The following TENM1 variants were observed in gnomAD, a reference collection of about 807,000 sequenced individuals.
TENM1 encodes teneurin transmembrane protein 1.
TENM1 carries 35 observed loss-of-function variants against 174.8 expected under a neutral mutation model. That is an observed-to-expected ratio of 0.20 (90% CI 0.15 to 0.27). The LOEUF (loss-of-function observed/expected upper bound fraction) is 0.27. Among genes scored for constraint, TENM1 ranks in the 10% least tolerant of loss-of-function variants. The pLI, the probability that TENM1 is intolerant of heterozygous loss-of-function variation, is 1.00. For missense variants in TENM1, 1,633 were observed against 2,130.1 expected, an observed-to-expected ratio of 0.77 and a Z score of 4.59; for synonymous variants, 781 against 798.7, an observed-to-expected ratio of 0.98 and a Z score of 0.37.
At chrX:124,483,414 C>T (rs2046887341) in intron 21 of TENM1, among the ~76,000 whole-genome samples, 2 of 112,202 alleles carry the variant, frequency 1.8e-5, no homozygotes, top group African/African-American at 6.5e-5. Context: ...CTGATATGTT[C>T]ATTGCCCATA....
intron 3 of TENM1, among the ~76,000 whole-genome samples, chrX:124,821,690 T>C (rs5956696): frequency 0.048 from 5,335 of 112,052 alleles, 192 homozygotes; most frequent in African/African-American, 0.12. Context: ...GCACTGGTTC[T>C]GTAATTCACA....
intron 1 of TENM1, among the ~76,000 whole-genome samples, chrX:124,922,051 T>C (rs1569481949): frequency 9.0e-6 from 1 of 111,329 alleles, no homozygotes; most frequent in East Asian, 2.8e-4. Flanking sequence ...TCCGATTCAT[T>C]TATTATTTAG....
chrX:124,886,905 A>T (rs1359361701), intron 3 of TENM1, among the ~76,000 whole-genome samples: 1 of 109,729 alleles, frequency 9.1e-6, no homozygotes, highest in Non-Finnish European at 1.9e-5. Context: ...AAATAGAACA[A>T]ATAATAGCAA....
intron 3 of TENM1, among the ~76,000 whole-genome samples, chrX:124,817,107 C>A (rs1014785302): frequency 5.4e-5 from 6 of 110,644 alleles, no homozygotes; most frequent in Non-Finnish European, 1.1e-4. Context: ...TCTCATTGTT[C>A]AACTCCCACT....
chrX:125,139,823 AAC>A, the TENM1 span, among the ~76,000 whole-genome samples: 1,920 of 78,291 alleles, frequency 0.025, 41 homozygotes, highest in African/African-American at 0.065. Flanking sequence ...AGCTGCCCTC[AAC>A]ACACACACAC....
chrX:125,178,053 A>G, the TENM1 span, among the ~76,000 whole-genome samples: 1 of 111,577 alleles, frequency 9.0e-6, no homozygotes, highest in Admixed American at 9.6e-5. Context: ...ATGGAAGTGT[A>G]TGGGTGGCTG....
intron 18 of TENM1, among the ~76,000 whole-genome samples, chrX:124,518,759 C>T (rs1271196681): frequency 2.7e-5 from 3 of 111,336 alleles, no homozygotes; most frequent in Non-Finnish European, 5.6e-5. Context: ...TCACACAGCT[C>T]GTAAGTAGAG....
the TENM1 span, among the ~76,000 whole-genome samples, chrX:125,098,410 G>A: frequency 8.9e-6 from 1 of 112,121 alleles, no homozygotes; most frequent in Non-Finnish European, 1.9e-5. Flanking sequence ...AAGCTTCAAT[G>A]CTGAAATTTA....
At chrX:125,177,225 T>C in the TENM1 span, among the ~76,000 whole-genome samples, 2 of 112,416 alleles carry the variant, frequency 1.8e-5, no homozygotes, top group African/African-American at 3.2e-5. Flanking sequence ...TGCTCAACTA[T>C]GTCACTTGAA....
chrX:124,406,944 A>C (rs1479081621), intron 25 of TENM1, among the ~76,000 whole-genome samples: 2 of 111,933 alleles, frequency 1.8e-5, no homozygotes, highest in Non-Finnish European at 3.8e-5. Context: ...TATGATGGGA[A>C]AATTATAATT....
the TENM1 span, among the ~76,000 whole-genome samples, chrX:125,048,243 A>ATTTTTTT: frequency 2.0e-4 from 13 of 64,214 alleles, no homozygotes; most frequent in Non-Finnish European, 2.8e-4. Flanking sequence ...GTTTCGAAGC[A>ATTTTTTT]TTTTTTTTTT....
intron 3 of TENM1, among the ~76,000 whole-genome samples, chrX:124,799,327 A>C (rs928308454): frequency 8.1e-5 from 9 of 111,672 alleles, no homozygotes. Flanking sequence ...ATCCATGAGC[A>C]TGGAATATTT....
At chrX:125,125,054 G>T in the TENM1 span, among the ~76,000 whole-genome samples, 2 of 112,160 alleles carry the variant, frequency 1.8e-5, no homozygotes, top group African/African-American at 6.5e-5. Flanking sequence ...CTGCATCATT[G>T]GATCATGTTA....
In TENM1 at chrX:124,790,141, G is replaced by T. The variant is rs138037644; in HGVS notation, c.536-52944C>A. On this transcript the variant is annotated intron_variant, in intron 3 of 31. Transcript: ENST00000422452. ...AACCATCAGATCTCATGAGACCCAT[G>T]CACTATCATGAGAACAGCACAGGAA... Among the ~76,000 whole-genome samples, 620 of 111,528 alleles carry T rather than the reference G, an allele frequency of 5.6e-3. 4 individuals carry two copies. Among genetic ancestry groups the T allele is most frequent in the African/African-American group, 0.019 (578 of 30,632 alleles).
chrX:124,965,272 G>A (rs1260165943), upstream of TENM1, among the ~76,000 whole-genome samples: 3 of 111,125 alleles, frequency 2.7e-5, no homozygotes, highest in African/African-American at 9.8e-5. Flanking sequence ...GTAGAGACGG[G>A]ATTTCACCAA....
exon 32 of TENM1, chrX:124,380,434 AT>A: frequency 1.3e-6 from 1 of 773,998 alleles, no homozygotes; most frequent in Non-Finnish European, 1.8e-6. Flanking sequence ...TTTCCTCCAT[AT>A]TTACATATAC....
the TENM1 span, among the ~76,000 whole-genome samples, chrX:125,188,744 T>C: frequency 8.9e-6 from 1 of 112,037 alleles, no homozygotes; most frequent in African/African-American, 3.2e-5. Context: ...TCCAATGCAC[T>C]ATATATAAAT....
At chrX:124,755,146 G>T (rs2054196103) in intron 3 of TENM1, among the ~76,000 whole-genome samples, 1 of 102,910 alleles carries the variant, frequency 9.7e-6, no homozygotes, top group African/African-American at 4.0e-5. Flanking sequence ...GGTCACTCAG[G>T]ACTTGCTTTA....
the TENM1 span, among the ~76,000 whole-genome samples, chrX:124,991,324 G>T: frequency 9.0e-6 from 1 of 111,159 alleles, no homozygotes; most frequent in Non-Finnish European, 1.9e-5. Context: ...GTAGCCAGTA[G>T]AGGGATTTTG....
Sources: gnomAD v4.1 joint callset for allele counts (sites outside exome capture counted in the v4.1 genomes callset) on GRCh38, gnomAD v4.1.1 for gene constraint, MANE v1.5 for transcripts, NCBI Gene and HGNC (gene_info 2026-07-23, HGNC 2026-07-21) for gene names.